Variants in SP7 observed in about 807,000 individuals in gnomAD.
SP7 encodes the protein transcription factor Sp7.
In SP7, 13 loss-of-function variants were observed where a neutral mutation model predicts 27.9. The ratio of observed to expected loss-of-function variants is 0.47; its 90% confidence interval spans 0.30 to 0.74. SP7 has a LOEUF of 0.74. SP7 is among the 30% of genes least tolerant of loss of function. The probability of loss-of-function intolerance (pLI) is 0.06; values close to 1 mark genes in which losing one functional copy is unlikely to be tolerated. For synonymous variants in SP7, 219 were observed against 226.7 expected (o/e 0.97, Z 0.31); for missense variants, 525 against 558.0 (o/e 0.94, Z 0.60).
In SP7 at chr12:53,328,015, G is replaced by A; in HGVS notation, c.*131C>T. On this transcript the variant is annotated 3_prime_UTR_variant, in exon 3 of 3. Coordinates refer to ENST00000536324, the MANE Select transcript of SP7 (RefSeq NM_001173467.3). This position sits in a 1 kb window ranked among gnomAD's most constrained non-coding sequence, Gnocchi z 5.1. ...GAGATACCCAAGCCCAGAATGGCCA[G>A]GAGGGAGACAGAGGGAGAGAGCCCC... 1 of 942,030 alleles carries A rather than the reference G, an allele frequency of 1.1e-6. No homozygotes were observed. The highest frequency in any genetic ancestry group is 1.5e-6 in the Non-Finnish European group (1 of 648,228). The allele number at this position is 942,030 out of a possible 1,614,324, so 58.4% of individuals were successfully genotyped here. A position where few individuals can be genotyped will look rare whatever the true frequency, so the allele number is the denominator to read the frequency against.
At chr12:53,336,091 G>A in intron 1 of SP7, 55 bp downstream of exon 1, 1 of 189,724 alleles carries the variant, frequency 5.3e-6, no homozygotes, top group African/African-American at 2.3e-5. Context: ...ACACGCGGCA[G>A]CAGTCCCATA....
chr12:53,336,934 G>A (rs1275272917), upstream of SP7, among the ~76,000 whole-genome samples: 1 of 152,130 alleles, frequency 6.6e-6, no homozygotes, highest in Non-Finnish European at 1.5e-5. Flanking sequence ...CAGTGCCTCA[G>A]TTTCACTGTT....
At chr12:53,343,782 G>C (rs1294946825) in intron 1 of SP7, among the ~76,000 whole-genome samples, 2 of 152,100 alleles carry the variant, frequency 1.3e-5, no homozygotes, top group Non-Finnish European at 2.9e-5. Context: ...GGGCCAGCAC[G>C]GTGGCACATA....
At position 53,328,470 on chromosome 12, in the gene SP7, G is replaced by A. The variant is rs774411292; in HGVS notation, c.972C>T (p.Phe324=). The stretch of plus-strand genomic sequence containing the variant: ...TGCCGCAGAAGAGCCAGTTGCAGAC[G>A]AAGGGCCTCTCGCCTGTGTGCCAGC... ...HLRWHTGERP[F]VCNWLFCGKR... Residue 324 remains phenylalanine, a synonymous_variant, in exon 3 of 3, where the codon TTC becomes TTT. Transcript: ENST00000536324. The surrounding 1 kb of genome is among the most constrained non-coding windows in gnomAD (Gnocchi z 5.1). 8.7e-6 allele frequency: 14 copies of A among 1,613,822 alleles called. No homozygotes were observed. Among genetic ancestry groups the A allele is most frequent in the South Asian group, 3.3e-5 (3 of 91,094 alleles).
upstream of SP7, among the ~76,000 whole-genome samples, chr12:53,340,025 C>T (rs1944808758): frequency 6.6e-6 from 1 of 152,156 alleles, no homozygotes; most frequent in African/African-American, 2.4e-5. Flanking sequence ...CATACTTGCA[C>T]ACACACAAGG....
rs549948087 is a variant in SP7, at chr12:53,328,228, G to A, written c.1214C>T (p.Thr405Met). 3.7e-5 allele frequency: 59 copies of A among 1,613,132 alleles called. No homozygotes were observed. The highest frequency in any genetic ancestry group is 2.6e-4 in the South Asian group (24 of 91,012). Residue 405 changes from threonine (T) to methionine (M), a missense_variant, in exon 3 of 3, where the codon ACG becomes ATG. By Grantham distance (81) the Thr-to-Met change is moderately conservative. Transcript: ENST00000536324. The surrounding 1 kb of genome is among the most constrained non-coding windows in gnomAD (Gnocchi z 5.1). ...TGCTGGCGAGGCAGAAGGTCGGGGCGTCTGACTGGCCTCCTCTTCCCCCGT... is the reference window on the plus strand; with the variant it reads ...TGCTGGCGAGGCAGAAGGTCGGGGCATCTGACTGGCCTCCTCTTCCCCCGT... ...RSTGEEEASQ[T>M]PRPSASPATP...
chr12:53,332,037 G>C (rs1944711529), intron 2 of SP7, among the ~76,000 whole-genome samples: 1 of 152,132 alleles, frequency 6.6e-6, no homozygotes. Context: ...GTTTTCTCCA[G>C]TCTAACCACA....
upstream of SP7, among the ~76,000 whole-genome samples, chr12:53,337,610 C>T (rs1195070439): frequency 1.3e-5 from 2 of 152,182 alleles, no homozygotes; most frequent in East Asian, 1.9e-4. Context: ...CTCACTTTCT[C>T]GGAGTGCCCA....
upstream of SP7, among the ~76,000 whole-genome samples, chr12:53,338,402 G>C (rs1192585296): frequency 6.6e-6 from 1 of 152,144 alleles, no homozygotes; most frequent in Admixed American, 6.5e-5. Flanking sequence ...GCCCGACCCA[G>C]TTAGATCAGG....
At chr12:53,341,287 C>T (rs1002089994), upstream of SP7, among the ~76,000 whole-genome samples, 2 of 152,134 alleles carry the variant, frequency 1.3e-5, no homozygotes, top group African/African-American at 4.8e-5. Context: ...GACATTGAGC[C>T]CTGATATAAT....
In SP7 at chr12:53,335,634, G is replaced by T; in HGVS notation, c.13C>A (p.Leu5Met). MASS[L>M]LEEEVHYGSS... ...GAAGAGGGGACAGTTACCTCAAGCAGGGAGGACGCCATCCTGAGGCTGGGG... is the reference window on the plus strand; with the variant it reads ...GAAGAGGGGACAGTTACCTCAAGCATGGAGGACGCCATCCTGAGGCTGGGG... The change falls in exon 2 of 3, where the codon CTG (leucine) becomes ATG (methionine). Residue 5 changes from leucine to methionine, a missense_variant. Coordinates refer to ENST00000536324, the MANE Select transcript of SP7 (RefSeq NM_001173467.3). The T allele has an allele frequency of 6.4e-7, 1 of 1,551,610 alleles. No homozygotes were observed. Among genetic ancestry groups the T allele is most frequent in the African/African-American group, 1.4e-5 (1 of 72,694 alleles).
At chr12:53,338,594 C>G (rs535012863), upstream of SP7, among the ~76,000 whole-genome samples, 3 of 152,158 alleles carry the variant, frequency 2.0e-5, no homozygotes, top group Non-Finnish European at 4.4e-5. Context: ...GAAGGGTCAC[C>G]TTCTCACTCC....
At chr12:53,337,952 A>G (rs548238018), upstream of SP7, among the ~76,000 whole-genome samples, 1 of 152,196 alleles carries the variant, frequency 6.6e-6, no homozygotes, top group South Asian at 2.1e-4. Flanking sequence ...AAAACAGAAG[A>G]CCAGATGTGT....
upstream of SP7, among the ~76,000 whole-genome samples, chr12:53,337,845 TAGACAA>T (rs1423951063): frequency 1.3e-5 from 2 of 151,916 alleles, no homozygotes; most frequent in African/African-American, 4.8e-5. Flanking sequence ...AGGTGGCTGA[TAGACAA>T]AGAGAAAGCA....
In SP7 at chr12:53,329,232, G is replaced by T. The variant is rs1277274734; in HGVS notation, c.210C>A (p.Ser70Arg). Reference sequence around the variant, plus strand: ...CTGCAGGTGAAAGGAGCCCATTAGTGCTTGTAAAGGGGGCTGGATAAGCAT... The same window carrying T: ...CTGCAGGTGAAAGGAGCCCATTAGTTCTTGTAAAGGGGGCTGGATAAGCAT... ...MGDAYPAPFT[S>R]TNGLLSPAGS... Residue 70 changes from serine (S) to arginine (R), a missense_variant, in exon 3 of 3, where the codon AGC becomes AGA. By Grantham distance (110) the Ser-to-Arg change is moderately radical. Coordinates refer to ENST00000536324, the MANE Select transcript of SP7 (RefSeq NM_001173467.3). The T allele has an allele frequency of 6.2e-7, 1 of 1,613,826 alleles. No individual in the cohort carries two copies. The highest frequency in any genetic ancestry group is 1.1e-5 in the South Asian group (1 of 91,086).
upstream of SP7, among the ~76,000 whole-genome samples, chr12:53,339,803 T>G (rs1315581646): frequency 1.3e-5 from 2 of 151,532 alleles, no homozygotes; most frequent in African/African-American, 4.9e-5. Flanking sequence ...GGGATGCTAC[T>G]TCCATCGTCC....
rs1192349798 is a variant in SP7 at position 53,329,115 on chromosome 12, C to T, written c.327G>A (p.Gly109=). The change falls in exon 3 of 3, where the codon GGG becomes GGA. Residue 109 remains glycine, a synonymous_variant. Coordinates refer to ENST00000536324, the MANE Select transcript of SP7 (RefSeq NM_001173467.3). The part of the protein sequence containing the change: ...FPGPTGTQDP[G]LLVPKGHSSS... ...AGCTGTGCCCCTTGGGCACTAGTAG[C>T]CCAGGGTCCTGGGTGCCTGTGGGCC... The T allele has an allele frequency of 2.5e-6, 4 of 1,613,718 alleles. No homozygotes were observed. The highest frequency in any genetic ancestry group is 2.5e-6 in the Non-Finnish European group (3 of 1,179,890).
Position 53,344,002 on chromosome 12 carries a change from T to C in SP7, c.-34+1112A>G, listed in dbSNP as rs1288312778. On this transcript the variant is annotated intron_variant, in intron 1 of 1. Coordinates refer to the SP7 transcript ENST00000547755. This position sits in a 1 kb window ranked among gnomAD's most constrained non-coding sequence, Gnocchi z 4.6. ...GGCGGAGGTTGCAGTGAGCTGAGAT[T>C]GTGCCACTGCTCTGCAGCCTGGGCG... Among the ~76,000 whole-genome samples, 1 of 151,996 alleles carries C rather than the reference T, an allele frequency of 6.6e-6. No individual in the cohort carries two copies. The highest frequency in any genetic ancestry group is 1.5e-5 in the Non-Finnish European group (1 of 67,990).
Position 53,328,610 on chromosome 12 carries a change from G to T in SP7, c.832C>A (p.Leu278Ile). The change falls in exon 3 of 3, where the codon CTA (leucine) becomes ATA (isoleucine). Residue 278 changes from leucine to isoleucine, a missense_variant. Physicochemically the swap from Leu to Ile is conservative, Grantham distance 5. Coordinates refer to ENST00000536324, the MANE Select transcript of SP7 (RefSeq NM_001173467.3). This position sits in a 1 kb window ranked among gnomAD's most constrained non-coding sequence, Gnocchi z 5.1. ...SSCDCPNCQE[L>I]ERLGAAAAGL... ...GCCGCTGCTGCTCCCAGCCGCTCTA[G>T]CTCCTGGCAATTAGGGCAGTCGCAG... 1 of 1,610,458 alleles carries T rather than the reference G, an allele frequency of 6.2e-7. No individual in the cohort carries two copies. The highest frequency in any genetic ancestry group is 1.1e-5 in the South Asian group (1 of 90,982).
Sources: allele counts gnomAD v4.1 joint callset (sites outside exome capture counted in the v4.1 genomes callset), GRCh38; gene constraint gnomAD v4.1.1; non-coding constraint Gnocchi (gnomAD v3.1); transcripts MANE v1.5; gene names NCBI Gene and HGNC (gene_info 2026-07-23, HGNC 2026-07-21).